The following BRI3BP variants were observed in gnomAD, a reference collection of about 807,000 sequenced individuals.
BRI3BP encodes the protein BRI3-binding protein.
In BRI3BP, 7 loss-of-function variants were observed where a neutral mutation model predicts 15.8. The observed-to-expected ratio is 0.44, with a 90% CI of 0.25 to 0.83. BRI3BP has a LOEUF of 0.83. Among genes scored for constraint, BRI3BP ranks in the 40% least tolerant of loss-of-function variants. BRI3BP has a pLI of 0.20. For synonymous variants in BRI3BP, 192 were observed against 163.5 expected (o/e 1.17, Z -1.33); for missense variants, 320 against 339.3 (o/e 0.94, Z 0.45).
At chr12:124,998,313 C>T (rs1208861690) in intron 1 of BRI3BP, among the ~76,000 whole-genome samples, 1 of 152,078 alleles carries the variant, frequency 6.6e-6, no homozygotes, top group African/African-American at 2.4e-5. Flanking sequence ...GCAACTTATA[C>T]ACATGTGTTC....
At chr12:125,048,005 T>C in the BRI3BP span, among the ~76,000 whole-genome samples, 4 of 137,188 alleles carry the variant, frequency 2.9e-5, no homozygotes, top group African/African-American at 1.1e-4. Flanking sequence ...CCTACTTTTT[T>C]TCTTATAGTT....
At chr12:125,012,507 G>A in intron 1 of BRI3BP, 27 bp from the exon 2 acceptor site, 1 of 1,526,502 alleles carries the variant, frequency 6.6e-7, no homozygotes, top group Non-Finnish European at 9.1e-7. Context: ...CAGTGATTGG[G>A]TGATGACCGT....
At chr12:125,015,053 C>T (rs145704443) in intron 2 of BRI3BP, among the ~76,000 whole-genome samples, 41 of 152,310 alleles carry the variant, frequency 2.7e-4, no homozygotes, top group African/African-American at 9.9e-4. Context: ...AGGCGTGAGC[C>T]ACCACACCCA....
At chr12:125,044,021 A>T in the BRI3BP span, among the ~76,000 whole-genome samples, 7 of 94,600 alleles carry the variant, frequency 7.4e-5, no homozygotes, top group African/African-American at 1.9e-4. Flanking sequence ...CAAGACATTT[A>T]AAAAAAAAAA....
At chr12:125,034,050 T>C (rs1276030820), downstream of BRI3BP, among the ~76,000 whole-genome samples, 26 of 150,936 alleles carry the variant, frequency 1.7e-4, no homozygotes, top group Admixed American at 1.7e-3. Context: ...GCTGTTTTTG[T>C]TTTGTTTTGG....
chr12:125,031,687 TC>T (rs1348944623), downstream of BRI3BP, among the ~76,000 whole-genome samples: 1 of 147,674 alleles, frequency 6.8e-6, no homozygotes, highest in Admixed American at 6.9e-5. Flanking sequence ...AGCGAGCATG[TC>T]CGGCCAATTT....
chr12:125,040,626 A>G, the BRI3BP span, among the ~76,000 whole-genome samples: 1 of 152,092 alleles, frequency 6.6e-6, no homozygotes, highest in Non-Finnish European at 1.5e-5. Context: ...TACAGGCGTG[A>G]GCCACTGCGC....
the BRI3BP span, among the ~76,000 whole-genome samples, chr12:125,047,612 G>A: frequency 6.6e-6 from 1 of 152,140 alleles, no homozygotes; most frequent in African/African-American, 2.4e-5. Flanking sequence ...CTGACCACAG[G>A]TGATCCGCCT....
chr12:125,042,481 T>G, the BRI3BP span, among the ~76,000 whole-genome samples: 4 of 96,470 alleles, frequency 4.1e-5, no homozygotes, highest in Non-Finnish European at 6.4e-5. Flanking sequence ...AATTTCATCT[T>G]TTTTTTTTTT....
At chr12:125,008,591 A>G (rs550887126) in intron 1 of BRI3BP, among the ~76,000 whole-genome samples, 14 of 151,780 alleles carry the variant, frequency 9.2e-5, no homozygotes, top group South Asian at 6.3e-4. Context: ...GATTACAGGC[A>G]TGAGCCACCA....
At position 125,027,845 on chromosome 12, in the gene BRI3BP, G is replaced by C. The variant is rs1448310889; in HGVS notation, c.*2415G>C. ...CGGGACTACAGGCGCCCACCATCAT[G>C]CCCGGCTAATTTTTTATATTTTTAG... On this transcript the variant is annotated 3_prime_UTR_variant, in exon 3 of 3. Coordinates refer to ENST00000341446, the MANE Select transcript of BRI3BP (RefSeq NM_080626.6). The C allele has an allele frequency of 6.6e-6, 1 of 151,866 alleles. No homozygotes were observed. Among genetic ancestry groups the C allele is most frequent in the Non-Finnish European group, 1.5e-5 (1 of 68,022 alleles). 9.4% of individuals were successfully genotyped at this position (151,866 alleles called of 1,614,324 possible). A position where few individuals can be genotyped will look rare whatever the true frequency, so the allele number is the denominator to read the frequency against.
downstream of BRI3BP, among the ~76,000 whole-genome samples, chr12:125,036,083 T>C (rs1206133858): frequency 7.1e-6 from 1 of 140,954 alleles, no homozygotes; most frequent in Admixed American, 7.2e-5. Context: ...TGTTTTTTTT[T>C]GAGATGGAGT....
chr12:125,040,039 G>A, the BRI3BP span, among the ~76,000 whole-genome samples: 5 of 152,226 alleles, frequency 3.3e-5, no homozygotes, highest in African/African-American at 7.2e-5. Flanking sequence ...CAAGGCAGGC[G>A]GATCACAAGG....
chr12:125,009,797 C>T (rs1333050680), intron 1 of BRI3BP, among the ~76,000 whole-genome samples: 1 of 151,952 alleles, frequency 6.6e-6, no homozygotes. Flanking sequence ...GGAGTCAATA[C>T]TTCTGTTAGA....
chr12:125,043,795 G>T, the BRI3BP span, among the ~76,000 whole-genome samples: 1 of 152,158 alleles, frequency 6.6e-6, no homozygotes, highest in African/African-American at 2.4e-5. Flanking sequence ...GGTGGAGGTT[G>T]CAATGAGCCA....
the BRI3BP span, among the ~76,000 whole-genome samples, chr12:125,045,681 C>T: frequency 2.0e-5 from 3 of 152,164 alleles, no homozygotes; most frequent in Non-Finnish European, 4.4e-5. Flanking sequence ...TGTGACCTGT[C>T]AGACTTATGT....
At chr12:125,047,728 G>A in the BRI3BP span, among the ~76,000 whole-genome samples, 1 of 151,666 alleles carries the variant, frequency 6.6e-6, no homozygotes, top group African/African-American at 2.4e-5. Context: ...ACTGAGTCTC[G>A]CTTTGCTGCC....
At chr12:125,021,304 C>T (rs969085275) in intron 2 of BRI3BP, among the ~76,000 whole-genome samples, 6 of 152,180 alleles carry the variant, frequency 3.9e-5, no homozygotes, top group Non-Finnish European at 5.9e-5. Context: ...GAGATGTTCA[C>T]GCCGTAGGTG....
chr12:125,019,639 TTTTTTTTTTTTTTTTTTTGCC>T (rs1174144530), intron 2 of BRI3BP, among the ~76,000 whole-genome samples: 1 of 48,182 alleles, frequency 2.1e-5, no homozygotes. Context: ...TCCACCCTTT[TTTTTTTTTTTTTTTTTTTGCC>T]TTTTTTGCTG....
Sources: allele counts gnomAD v4.1 joint callset (sites outside exome capture counted in the v4.1 genomes callset), GRCh38; gene constraint gnomAD v4.1.1; transcripts MANE v1.5; gene names NCBI Gene and HGNC (gene_info 2026-07-23, HGNC 2026-07-21).